The following MYLK4 variants were observed in gnomAD, a reference collection of about 807,000 sequenced individuals.
MYLK4 encodes the protein myosin light chain kinase family member 4.
In MYLK4, 46 loss-of-function variants were observed where a neutral mutation model predicts 48.1. That is an observed-to-expected ratio of 0.96 (90% CI 0.75 to 1.22). MYLK4 has a LOEUF of 1.22. Among genes scored for constraint, MYLK4 ranks in the 50% most tolerant of loss-of-function variants. The pLI, the probability that MYLK4 is intolerant of heterozygous loss-of-function variation, is 0.00. For missense variants in MYLK4, 451 were observed against 486.1 expected, an observed-to-expected ratio of 0.93 and a Z score of 0.68; for synonymous variants, 170 against 180.8, an observed-to-expected ratio of 0.94 and a Z score of 0.48.
chr6:2,742,565 G>A (rs13214029), intron 2 of MYLK4, among the ~76,000 whole-genome samples: 23,767 of 150,986 alleles, frequency 0.16, 1,998 homozygotes, highest in Middle Eastern at 0.22. Flanking sequence ...CATGTCCTTT[G>A]TAGGGACATG....
intron 2 of MYLK4, among the ~76,000 whole-genome samples, chr6:2,708,860 T>G (rs1413775750): frequency 1.3e-5 from 2 of 152,230 alleles, no homozygotes; most frequent in Non-Finnish European, 2.9e-5. Flanking sequence ...TAAGCTACTA[T>G]TTTTAAAATT....
the MYLK4 span, among the ~76,000 whole-genome samples, chr6:2,760,836 A>G: frequency 6.6e-6 from 1 of 152,252 alleles, no homozygotes; most frequent in African/African-American, 2.4e-5. Flanking sequence ...GTGTTAGAAT[A>G]AACAATACGA....
intron 2 of MYLK4, among the ~76,000 whole-genome samples, chr6:2,715,031 A>G (rs1762816855): frequency 6.6e-6 from 1 of 152,136 alleles, no homozygotes; most frequent in South Asian, 2.1e-4. Context: ...CTGGGAGGCC[A>G]CGGTGGGCAG....
At chr6:2,765,652 C>A in the MYLK4 span, 1 of 1,546,434 alleles carries the variant, frequency 6.5e-7, no homozygotes. Context: ...AAGACGACCC[C>A]TTCCTTTCGC....
chr6:2,683,233 T>G (rs1163066523), intron 6 of MYLK4, 71 bp from the exon 7 acceptor site: 1 of 1,565,612 alleles, frequency 6.4e-7, no homozygotes, highest in Non-Finnish European at 8.7e-7. Context: ...TCGTAGTGAC[T>G]TGTCGTGCAA....
chr6:2,696,657 A>G (rs1260465510), intron 2 of MYLK4, among the ~76,000 whole-genome samples: 1 of 152,270 alleles, frequency 6.6e-6, no homozygotes, highest in Non-Finnish European at 1.5e-5. Flanking sequence ...TAGCAGCCCA[A>G]GCTAAGACAC....
intron 7 of MYLK4, 53 bp from the exon 8 acceptor site, chr6:2,680,344 A>AT: frequency 1.2e-6 from 2 of 1,611,114 alleles, no homozygotes; most frequent in Non-Finnish European, 1.7e-6. Flanking sequence ...ATTCACTCAA[A>AT]TTGTCCTTGA....
chr6:2,671,989 T>A (rs1197526937), intron 11 of MYLK4, among the ~76,000 whole-genome samples: 1 of 152,220 alleles, frequency 6.6e-6, no homozygotes, highest in East Asian at 1.9e-4. Context: ...CGCGTGAAGA[T>A]TTTTTCAGTC....
intron 2 of MYLK4, among the ~76,000 whole-genome samples, chr6:2,718,476 CT>C (rs1762949877): frequency 6.6e-6 from 1 of 152,120 alleles, no homozygotes; most frequent in African/African-American, 2.4e-5. Context: ...TTATAAAAAC[CT>C]TTCAAGGAAA....
chr6:2,764,722 CACT>C, the MYLK4 span, among the ~76,000 whole-genome samples: 1 of 152,164 alleles, frequency 6.6e-6, no homozygotes, highest in African/African-American at 2.4e-5. Context: ...TCCGATTTGC[CACT>C]ATTACACAGC....
At position 2,683,391 on chromosome 6, in the gene MYLK4, TTGTGTGTGTGTGTGTG is replaced by T. The variant is rs67359849; in HGVS notation, c.546-245_546-230del. Among the ~76,000 whole-genome samples the T allele has an allele frequency of 9.4e-4, 119 of 126,662 alleles. 1 individual carries two copies. Among genetic ancestry groups the T allele is most frequent in the Admixed American group, 3.2e-3 (37 of 11,736 alleles). 83.1% of individuals were successfully genotyped at this position (126,662 alleles called of 152,430 possible). A position where few individuals can be genotyped will look rare whatever the true frequency, so the allele number is the denominator to read the frequency against. Reference sequence around the variant, plus strand: ...ATCCTCAAGCCAACTCCCCACCTTTTTGTGTGTGTGTGTGTGTGTGTGTGTGTGTGTGTGTGTGTGT... The same window carrying T: ...ATCCTCAAGCCAACTCCCCACCTTTTTGTGTGTGTGTGTGTGTGTGTGTGT... On this transcript the variant is annotated intron_variant, in intron 6 of 12. Coordinates refer to ENST00000274643, the MANE Select transcript of MYLK4 (RefSeq NM_001012418.5).
At chr6:2,684,511 C>T (rs979896054) in intron 6 of MYLK4, among the ~76,000 whole-genome samples, 5 of 152,080 alleles carry the variant, frequency 3.3e-5, no homozygotes, top group African/African-American at 1.2e-4. Flanking sequence ...ATCACAATAT[C>T]GATTCAGTGT....
chr6:2,735,537 GGTAATAACTA>G (rs1561876040), intron 2 of MYLK4, among the ~76,000 whole-genome samples: 7 of 152,224 alleles, frequency 4.6e-5, no homozygotes, highest in Non-Finnish European at 8.8e-5. Flanking sequence ...AAAATGTATT[GGTAATAACTA>G]GTACACAATT....
intron 2 of MYLK4, among the ~76,000 whole-genome samples, chr6:2,714,991 G>A (rs990066329): frequency 7.9e-5 from 12 of 152,178 alleles, no homozygotes; most frequent in East Asian, 1.9e-4. Context: ...TTGGCTGGGC[G>A]TGGTGGCTCA....
intron 2 of MYLK4, among the ~76,000 whole-genome samples, chr6:2,700,897 CTT>C (rs1762258274): frequency 6.6e-6 from 1 of 152,210 alleles, no homozygotes; most frequent in South Asian, 2.1e-4. Context: ...ATTTATAGCA[CTT>C]TGCGTAAAAG....
At chr6:2,761,399 TTTGA>T in the MYLK4 span, among the ~76,000 whole-genome samples, 17 of 152,358 alleles carry the variant, frequency 1.1e-4, no homozygotes, top group African/African-American at 3.1e-4. Context: ...AAAGTTTAAA[TTTGA>T]TTGGCAAAGC....
chr6:2,707,475 C>G (rs868665297), intron 2 of MYLK4, among the ~76,000 whole-genome samples: 54 of 152,166 alleles, frequency 3.5e-4, no homozygotes, highest in African/African-American at 1.2e-3. Context: ...CAAATCGCAA[C>G]ATGAAAAGTT....
intron 10 of MYLK4, among the ~76,000 whole-genome samples, chr6:2,677,479 A>G (rs1355554909): frequency 1.3e-5 from 2 of 152,242 alleles, no homozygotes; most frequent in Non-Finnish European, 2.9e-5. Context: ...TATACGGCTC[A>G]GGTATAAAGC....
intron 2 of MYLK4, among the ~76,000 whole-genome samples, chr6:2,708,736 C>T (rs1304080036): frequency 1.3e-5 from 2 of 152,120 alleles, no homozygotes; most frequent in African/African-American, 2.4e-5. Flanking sequence ...GAAGAAACAT[C>T]GTTTCTTCAA....
Sources: gnomAD v4.1 joint callset for allele counts (sites outside exome capture counted in the v4.1 genomes callset) on GRCh38, gnomAD v4.1.1 for gene constraint, MANE v1.5 for transcripts, NCBI Gene and HGNC (gene_info 2026-07-23, HGNC 2026-07-21) for gene names.